Variants in PCSK2 observed in about 807,000 individuals in gnomAD.
The protein encoded by PCSK2 is neuroendocrine convertase 2.
A neutral mutation model predicts 69.7 loss-of-function variants in PCSK2; 14 were observed. The observed-to-expected ratio is 0.20, with a 90% confidence interval of 0.13 to 0.31. The LOEUF is 0.31. Ranked by LOEUF, PCSK2 falls within the 10% of genes least tolerant of loss-of-function variation. PCSK2 has a pLI of 1.00. For synonymous variants in PCSK2, 307 were observed against 320.7 expected (o/e 0.96, Z 0.46); for missense variants, 544 against 842.5 (o/e 0.65, Z 4.39).
At position 17,482,286 on chromosome 20, in the gene PCSK2, T is replaced by A. The variant is rs115426139; in HGVS notation, c.*216T>A. 0.02 allele frequency: 5,646 copies of A among 287,230 alleles called. 274 individuals are homozygous for A. The highest frequency in any genetic ancestry group is 0.11 in the African/African-American group (4,973 of 45,082). The allele number at this position is 287,230 out of a possible 1,614,324, so 17.8% of individuals were successfully genotyped here. ...AATATAGCGTTCCCAACAACATCCA[T>A]GTCCTATGTGTGACTCTAAATTCTT... On this transcript the variant is annotated 3_prime_UTR_variant, in exon 12 of 12. Transcript: ENST00000262545.
rs930858227 is a variant in PCSK2 at position 17,415,630 on chromosome 20, C to T, written c.620+6291C>T. 2.6e-5 allele frequency among the ~76,000 whole-genome samples: 4 copies of T among 152,114 alleles called. No individual in the cohort carries two copies. The East Asian group carries it at 5.8e-4, about 22-fold the overall frequency. The stretch of plus-strand genomic sequence containing the variant: ...CCCAAGGTAATTTGTAGATTCAATG[C>T]CATCCCCATCAAGCTACCAATGACT... On this transcript the variant is annotated intron_variant, in intron 6 of 11. Transcript: ENST00000262545.
At chr20:17,414,969 T>C (rs970116080) in intron 6 of PCSK2, among the ~76,000 whole-genome samples, 14 of 152,190 alleles carry the variant, frequency 9.2e-5, no homozygotes, top group African/African-American at 3.4e-4. Flanking sequence ...GAAAAGGCCT[T>C]TGACAAAATT....
intron 1 of PCSK2, among the ~76,000 whole-genome samples, chr20:17,228,579 C>T (rs1274740610): frequency 6.6e-6 from 1 of 151,968 alleles, no homozygotes; most frequent in African/African-American, 2.4e-5. Flanking sequence ...TAGGCTCCAT[C>T]TCGCTCCTGA....
chr20:17,412,605 C>A (rs1466547083), intron 6 of PCSK2, among the ~76,000 whole-genome samples: 2 of 152,172 alleles, frequency 1.3e-5, no homozygotes, highest in South Asian at 2.1e-4. Flanking sequence ...GGAAAACACT[C>A]TTCAGGATAT....
At chr20:17,328,943 G>A (rs538124551) in intron 2 of PCSK2, among the ~76,000 whole-genome samples, 32 of 152,266 alleles carry the variant, frequency 2.1e-4, no homozygotes, top group Admixed American at 1.4e-3. Flanking sequence ...GACATCCTGT[G>A]GGTGATCTTC....
intron 2 of PCSK2, among the ~76,000 whole-genome samples, chr20:17,277,675 T>C (rs1429461503): frequency 1.3e-5 from 2 of 148,616 alleles, no homozygotes; most frequent in Non-Finnish European, 3.0e-5. Context: ...ACTTCATGTC[T>C]AAAACACCAA....
At chr20:17,350,963 C>T (rs920326898) in intron 2 of PCSK2, among the ~76,000 whole-genome samples, 6 of 151,022 alleles carry the variant, frequency 4.0e-5, no homozygotes, top group Non-Finnish European at 1.5e-5. Context: ...TCGCTTGAAC[C>T]TGGGAGTCGG....
intron 2 of PCSK2, among the ~76,000 whole-genome samples, chr20:17,333,910 C>CATATATATATATGTATAT (rs1990271239): frequency 1.2e-5 from 1 of 86,372 alleles, no homozygotes; most frequent in African/African-American, 3.9e-5. Context: ...TAAGTCACTG[C>CATATATATATATGTATAT]ATATATATAT....
At chr20:17,273,343 T>C (rs1380287673) in intron 2 of PCSK2, among the ~76,000 whole-genome samples, 1 of 152,084 alleles carries the variant, frequency 6.6e-6, no homozygotes, top group Non-Finnish European at 1.5e-5. Flanking sequence ...ATCTCTACCA[T>C]TAAATAACAA....
At chr20:17,455,169 C>T (rs2032896447) in intron 9 of PCSK2, among the ~76,000 whole-genome samples, 1 of 151,972 alleles carries the variant, frequency 6.6e-6, no homozygotes, top group African/African-American at 2.4e-5. Flanking sequence ...TGTCCTCGAC[C>T]CGTATTTATG....
chr20:17,273,822 T>A (rs1436449023), intron 2 of PCSK2, among the ~76,000 whole-genome samples: 1 of 152,162 alleles, frequency 6.6e-6, no homozygotes, highest in Non-Finnish European at 1.5e-5. Flanking sequence ...CTGGATAGAT[T>A]TGATTAATAT....
intron 11 of PCSK2, among the ~76,000 whole-genome samples, chr20:17,479,605 A>G (rs558907965): frequency 1.3e-5 from 2 of 152,190 alleles, no homozygotes; most frequent in East Asian, 3.9e-4. Flanking sequence ...CGAGACCATC[A>G]TGGCTAACAC....
intron 11 of PCSK2, among the ~76,000 whole-genome samples, chr20:17,468,685 C>T (rs1054419660): frequency 1.4e-4 from 21 of 150,438 alleles, no homozygotes; most frequent in Admixed American, 7.3e-4. Context: ...CTCCTGTAGA[C>T]GGGCAGCCCA....
At chr20:17,408,247 G>A (rs533474516) in intron 5 of PCSK2, among the ~76,000 whole-genome samples, 21 of 152,148 alleles carry the variant, frequency 1.4e-4, no homozygotes, top group African/African-American at 4.3e-4. Flanking sequence ...AGAATGAGAT[G>A]AGGAAAAAGG....
Position 17,382,142 on chromosome 20 carries a change from G to A in PCSK2, c.543+12865G>A, listed in dbSNP as rs78958166. 8.8e-3 allele frequency among the ~76,000 whole-genome samples: 1,338 copies of A among 152,222 alleles called. 22 individuals are homozygous for A. The highest frequency in any genetic ancestry group is 0.029 in the African/African-American group (1,221 of 41,528). ...CGTGGAGAGTTGGTAGTTGGCTAAC[G>A]AAGTATGAGAACCATGTGTTGTCTC... On this transcript the variant is annotated intron_variant, in intron 5 of 11. Coordinates refer to ENST00000262545, the MANE Select transcript of PCSK2 (RefSeq NM_002594.5).
chr20:17,465,169 A>G (rs113002535), intron 10 of PCSK2, 157 bp from the exon 11 acceptor site: 15 of 694,972 alleles, frequency 2.2e-5, no homozygotes, highest in African/African-American at 1.2e-4. Flanking sequence ...TGAATGGTGC[A>G]TGGACACCCT....
intron 1 of PCSK2, among the ~76,000 whole-genome samples, chr20:17,247,468 T>A (rs540430014): frequency 2.0e-5 from 3 of 152,110 alleles, no homozygotes; most frequent in Non-Finnish European, 4.4e-5. Context: ...ATTATAAAAA[T>A]CCTATATAGC....
intron 2 of PCSK2, among the ~76,000 whole-genome samples, chr20:17,308,477 G>A (rs912878496): frequency 6.6e-5 from 10 of 152,306 alleles, no homozygotes; most frequent in East Asian, 3.9e-4. Flanking sequence ...CATTCCAGGC[G>A]GAAGTGCAAA....
intron 1 of PCSK2, among the ~76,000 whole-genome samples, chr20:17,253,884 C>G (rs1987083800): frequency 6.6e-6 from 1 of 152,126 alleles, no homozygotes; most frequent in African/African-American, 2.4e-5. Context: ...GGTTTGGGTG[C>G]AGTTGGGCAG....
Sources: gnomAD v4.1 joint callset for allele counts (sites outside exome capture counted in the v4.1 genomes callset) on GRCh38, gnomAD v4.1.1 for gene constraint, MANE v1.5 for transcripts, NCBI Gene and HGNC (gene_info 2026-07-23, HGNC 2026-07-21) for gene names.